The following PKD1L1 variants were observed in gnomAD, a reference collection of about 807,000 sequenced individuals.
PKD1L1 encodes polycystin 1 like 1, transient receptor potential channel interacting, also known as polycystin-1-like protein 1.
A neutral mutation model predicts 323.4 loss-of-function variants in PKD1L1; 236 were observed. The ratio of observed to expected loss-of-function variants is 0.73; its 90% CI spans 0.66 to 0.81. PKD1L1 has a LOEUF of 0.81. Among genes scored for constraint, PKD1L1 ranks in the 40% least tolerant of loss-of-function variants. The pLI, the probability that PKD1L1 is intolerant of heterozygous loss-of-function variation, is 0.00. For synonymous variants in PKD1L1, 1,344 were observed against 1,335.0 expected (o/e 1.01, Z -0.15); for missense variants, 3,320 against 3,508.0 (o/e 0.95, Z 1.35).
chr7:47,817,196 A>T (rs1584964706), intron 46 of PKD1L1, among the ~76,000 whole-genome samples: 1 of 152,138 alleles, frequency 6.6e-6, no homozygotes, highest in East Asian at 1.9e-4. Flanking sequence ...ATGCCACTGC[A>T]CTCCAGCCTC....
At chr7:47,893,229 C>CAAAAAAAAA (rs529686945) in intron 15 of PKD1L1, among the ~76,000 whole-genome samples, 1 of 52,984 alleles carries the variant, frequency 1.9e-5, no homozygotes, top group Admixed American at 2.1e-4. Context: ...GACCCTATCT[C>CAAAAAAAAA]AAAAAAAAAA....
chr7:47,880,285 T>A (rs1786519910), intron 21 of PKD1L1, among the ~76,000 whole-genome samples: 1 of 64,504 alleles, frequency 1.6e-5, no homozygotes, highest in Admixed American at 1.4e-4. Flanking sequence ...TATATATATA[T>A]TTTTTTTTTT....
Position 47,884,578 on chromosome 7 carries a change from A to G in PKD1L1, c.3265+20T>C, listed in dbSNP as rs747115382. 6.2e-7 allele frequency: 1 copy of G among 1,610,262 alleles called. No homozygotes were observed. Among genetic ancestry groups the G allele is most frequent in the Admixed American group, 1.7e-5 (1 of 60,020 alleles). On this transcript the variant is annotated intron_variant, in intron 19 of 56. Coordinates refer to ENST00000289672, the MANE Select transcript of PKD1L1 (RefSeq NM_138295.5). ...GGAGAGCTGAGTGGAGAGAGGCAGC[A>G]GGCATAGAAGCACAGTCACCTGGCT...
At chr7:47,906,339 CTTT>C (rs1300010091) in intron 9 of PKD1L1, among the ~76,000 whole-genome samples, 1 of 152,150 alleles carries the variant, frequency 6.6e-6, no homozygotes, top group East Asian at 1.9e-4. Flanking sequence ...AAGCCTTGTG[CTTT>C]TAAGTCCTAT....
At chr7:47,952,300 C>T (rs139737024), upstream of PKD1L1, among the ~76,000 whole-genome samples, 201 of 152,306 alleles carry the variant, frequency 1.3e-3, 2 homozygotes, top group African/African-American at 4.5e-3. Flanking sequence ...GGCAAGGCTG[C>T]GATCAGCCCC....
chr7:47,791,734 C>T (rs908111686), intron 56 of PKD1L1, among the ~76,000 whole-genome samples: 1 of 152,190 alleles, frequency 6.6e-6, no homozygotes, highest in Non-Finnish European at 1.5e-5. Context: ...AGGGCTGGGG[C>T]AGAGAGCTTA....
At chr7:47,865,332 G>C in intron 25 of PKD1L1, 60 bp from the exon 26 acceptor site, 1 of 1,465,190 alleles carries the variant, frequency 6.8e-7, no homozygotes, top group Non-Finnish European at 9.4e-7. Context: ...AAATTAGCTT[G>C]TTTGGGTTAA....
intron 56 of PKD1L1, among the ~76,000 whole-genome samples, chr7:47,789,554 G>GT (rs1433997333): frequency 6.6e-6 from 1 of 151,990 alleles, no homozygotes; most frequent in Non-Finnish European, 1.5e-5. Flanking sequence ...GTTTTGCTTA[G>GT]TGTGTGTGTC....
Position 47,864,576 on chromosome 7 carries a change from TTTTCTTTCTTTCTTTCTTTC to T in PKD1L1, c.4149+620_4149+639del, listed in dbSNP as rs199500886. Among the ~76,000 whole-genome samples the T allele has an allele frequency of 2.7e-3, 292 of 107,624 alleles. 2 individuals are homozygous for T. The highest frequency in any genetic ancestry group is 6.8e-3 in the African/African-American group (190 of 27,958). 70.6% of individuals were successfully genotyped at this position (107,624 alleles called of 152,430 possible). ...TCTTCCTTCTTTTTCTTTTTCTTTC[TTTTCTTTCTTTCTTTCTTTC>T]TTTCTTTCTTTCTTTCTTTCTTTCT... On this transcript the variant is annotated intron_variant, in intron 26 of 56. Coordinates refer to ENST00000289672, the MANE Select transcript of PKD1L1 (RefSeq NM_138295.5).
At chr7:47,902,612 T>C (rs1787117583) in intron 12 of PKD1L1, 101 bp from the exon 13 acceptor site, 18 of 1,367,844 alleles carry the variant, frequency 1.3e-5, no homozygotes, top group Non-Finnish European at 1.7e-5. Flanking sequence ...ATTATAGTAT[T>C]TGACAGCAAG....
chr7:47,945,584 T>A lies in PKD1L1; in HGVS notation c.45-2073A>T, dbSNP rs564839374. On this transcript the variant is annotated intron_variant, in intron 1 of 56. Coordinates refer to ENST00000289672, the MANE Select transcript of PKD1L1 (RefSeq NM_138295.5). Reference sequence around the variant, plus strand: ...GCCAGAGAAATGAAAAAATAAAAAATAACAATAATAGAAAAGGGGACAACT... The same window carrying A: ...GCCAGAGAAATGAAAAAATAAAAAAAAACAATAATAGAAAAGGGGACAACT... 2.9e-3 allele frequency among the ~76,000 whole-genome samples: 447 copies of A among 152,010 alleles called. 5 individuals are homozygous for A. Among genetic ancestry groups the A allele is most frequent in the African/African-American group, 0.01 (416 of 41,420 alleles).
intron 28 of PKD1L1, among the ~76,000 whole-genome samples, chr7:47,856,247 C>G (rs569869046): frequency 1.3e-5 from 2 of 152,120 alleles, no homozygotes; most frequent in Non-Finnish European, 2.9e-5. Flanking sequence ...CCATGTTGGT[C>G]AGGTTGGTCT....
chr7:47,788,682 G>A lies in PKD1L1; in HGVS notation c.8526+3945C>T, dbSNP rs528466079. 8.7e-5 allele frequency among the ~76,000 whole-genome samples: 13 copies of A among 149,770 alleles called. No homozygotes were observed. In the East Asian group the frequency reaches 9.7e-4, roughly 11 times the overall value. On this transcript the variant is annotated intron_variant, in intron 56 of 56. Coordinates refer to ENST00000289672, the MANE Select transcript of PKD1L1 (RefSeq NM_138295.5). ...GCAATCTCGGCTCACAGCAATCTCCGCCTCCCAGGTTCAAGCCATTCTCCT... is the reference window on the plus strand; with the variant it reads ...GCAATCTCGGCTCACAGCAATCTCCACCTCCCAGGTTCAAGCCATTCTCCT...
intron 4 of PKD1L1, among the ~76,000 whole-genome samples, chr7:47,935,706 G>A (rs566819701): frequency 6.6e-6 from 1 of 152,286 alleles, no homozygotes; most frequent in East Asian, 1.9e-4. Context: ...CCAGGGCATG[G>A]TGCCAGCCAC....
intron 21 of PKD1L1, among the ~76,000 whole-genome samples, chr7:47,878,116 G>A (rs769228436): frequency 3.9e-5 from 6 of 152,040 alleles, no homozygotes; most frequent in Non-Finnish European, 5.9e-5. Flanking sequence ...ACACACGTAC[G>A]TACAGCTTCG....
chr7:47,921,783 T>G (rs1322061636), intron 7 of PKD1L1, among the ~76,000 whole-genome samples: 1 of 152,118 alleles, frequency 6.6e-6, no homozygotes, highest in African/African-American at 2.4e-5. Context: ...GTGAAGTAAC[T>G]TAGGAATGGA....
chr7:47,871,216 C>T (rs930189170), intron 24 of PKD1L1, among the ~76,000 whole-genome samples: 1 of 151,440 alleles, frequency 6.6e-6, no homozygotes, highest in African/African-American at 2.4e-5. Flanking sequence ...AGTGATTCAA[C>T]ATCTGAAAAT....
chr7:47,912,943 A>C (rs1450526903), intron 8 of PKD1L1, among the ~76,000 whole-genome samples: 1 of 152,092 alleles, frequency 6.6e-6, no homozygotes, highest in Non-Finnish European at 1.5e-5. Context: ...GACAGAATGG[A>C]GAATTTCAGG....
At chr7:47,919,713 T>C (rs1787497154) in intron 7 of PKD1L1, among the ~76,000 whole-genome samples, 1 of 152,158 alleles carries the variant, frequency 6.6e-6, no homozygotes, top group Non-Finnish European at 1.5e-5. Flanking sequence ...TGGTTTAACA[T>C]ACTCAAGTCA....
Sources: gnomAD v4.1 joint callset for allele counts (sites outside exome capture counted in the v4.1 genomes callset) on GRCh38, gnomAD v4.1.1 for gene constraint, MANE v1.5 for transcripts, NCBI Gene and HGNC (gene_info 2026-07-23, HGNC 2026-07-21) for gene names.